The following TSHZ2 variants were observed in gnomAD, a reference collection of about 807,000 sequenced individuals.
TSHZ2 encodes teashirt homolog 2.
A neutral mutation model predicts 74.4 loss-of-function variants in TSHZ2; 21 were observed. The ratio of observed to expected loss-of-function variants is 0.28; its 90% CI spans 0.20 to 0.41. The LOEUF (loss-of-function observed/expected upper bound fraction) is 0.41. TSHZ2 is among the 10% of genes least tolerant of loss of function. The pLI is 1.00. For synonymous variants in TSHZ2, 540 were observed against 515.3 expected (o/e 1.05, Z -0.65); for missense variants, 1,244 against 1,293.5 (o/e 0.96, Z 0.59).
intron 1 of TSHZ2, among the ~76,000 whole-genome samples, chr20:53,140,857 G>A (rs6013640): frequency 0.019 from 2,938 of 152,260 alleles, 84 homozygotes; most frequent in African/African-American, 0.068. Context: ...CAGGGAAGGG[G>A]TGAGTTGAGG....
chr20:52,973,421 C>G, intron 1 of TSHZ2, 88 bp downstream of exon 1: 1 of 1,492,238 alleles, frequency 6.7e-7, no homozygotes, highest in African/African-American at 1.4e-5. Flanking sequence ...GGGGCACCAC[C>G]CACTTAAGCT....
intron 2 of TSHZ2, among the ~76,000 whole-genome samples, chr20:53,340,177 C>CTTTTTTCTT: frequency 1.1e-5 from 1 of 94,084 alleles, no homozygotes; most frequent in East Asian, 3.5e-4. Context: ...ACTTTTCTTT[C>CTTTTTTCTT]TTTTTTCTTT....
chr20:53,368,196 G>A (rs1168332467), intron 2 of TSHZ2, among the ~76,000 whole-genome samples: 1 of 151,532 alleles, frequency 6.6e-6, no homozygotes, highest in Non-Finnish European at 1.5e-5. Context: ...TTCTTTCAGG[G>A]GAAGTTCAGT....
At chr20:53,327,986 G>C (rs965727149) in intron 2 of TSHZ2, among the ~76,000 whole-genome samples, 2 of 152,228 alleles carry the variant, frequency 1.3e-5, no homozygotes, top group African/African-American at 4.8e-5. Flanking sequence ...GAATTTGGAA[G>C]CAAGTGGGAA....
Position 53,161,130 on chromosome 20 carries a change from C to CAA in TSHZ2, c.41-92347_41-92346dup, listed in dbSNP as rs368626161. On this transcript the variant is annotated intron_variant, in intron 1 of 2. Transcript: ENST00000371497. ...AGAAACCAACTCTGGTTATTTTCAG[C>CAA]AAAAAAAAAAAAAAAAAAAAAAATA... Among the ~76,000 whole-genome samples, 291 of 67,864 alleles carry CAA rather than the reference C, an allele frequency of 4.3e-3. 15 individuals carry two copies. The highest frequency in any genetic ancestry group is 0.01 in the South Asian group (14 of 1,374). The allele number at this position is 67,864 out of a possible 152,430, so 44.5% of individuals were successfully genotyped here. A position where few individuals can be genotyped will look rare whatever the true frequency, so the allele number is the denominator to read the frequency against.
At chr20:53,479,580 C>A (rs1184318217) in intron 2 of TSHZ2, among the ~76,000 whole-genome samples, 1 of 152,194 alleles carries the variant, frequency 6.6e-6, no homozygotes, top group African/African-American at 2.4e-5. Flanking sequence ...AATACAGGTT[C>A]TCTTTGTCAG....
At chr20:53,127,472 C>G (rs1381314031) in intron 1 of TSHZ2, among the ~76,000 whole-genome samples, 1 of 152,166 alleles carries the variant, frequency 6.6e-6, no homozygotes. Context: ...TTCGGAAGCC[C>G]AGGTGTGAGT....
At chr20:53,177,490 G>A (rs1568796537) in intron 1 of TSHZ2, among the ~76,000 whole-genome samples, 1 of 152,142 alleles carries the variant, frequency 6.6e-6, no homozygotes, top group Admixed American at 6.5e-5. Context: ...CATACGGCTG[G>A]TCCTCAAACC....
intron 2 of TSHZ2, among the ~76,000 whole-genome samples, chr20:53,382,715 A>T (rs1045271432): frequency 1.3e-5 from 2 of 152,226 alleles, no homozygotes; most frequent in Non-Finnish European, 2.9e-5. Flanking sequence ...GGAGACCAGG[A>T]TCATATAGTT....
Position 53,070,343 on chromosome 20 carries a change from C to A in TSHZ2, c.40+97010C>A, listed in dbSNP as rs753839786. On this transcript the variant is annotated intron_variant, in intron 1 of 2. Transcript: ENST00000371497. Reference sequence around the variant, plus strand: ...TGGAGAACAATTTTACACAGAGAAACCCTGTCTAATAGCCTATCTTAATTA... The same window carrying A: ...TGGAGAACAATTTTACACAGAGAAAACCTGTCTAATAGCCTATCTTAATTA... Among the ~76,000 whole-genome samples the A allele has an allele frequency of 6.3e-4, 96 of 152,218 alleles. No homozygotes were observed. The Middle Eastern group carries it at 0.02, about 32-fold the overall frequency.
intron 1 of TSHZ2, among the ~76,000 whole-genome samples, chr20:53,060,547 A>C (rs982697212): frequency 6.6e-6 from 1 of 152,226 alleles, no homozygotes; most frequent in African/African-American, 2.4e-5. Flanking sequence ...AGTTATGCTA[A>C]GTTAGATAGC....
At chr20:53,268,847 G>T (rs1406615209) in intron 2 of TSHZ2, among the ~76,000 whole-genome samples, 1 of 152,148 alleles carries the variant, frequency 6.6e-6, no homozygotes, top group Non-Finnish European at 1.5e-5. Context: ...GACTGTCAGA[G>T]GTCAGATCAG....
At chr20:52,974,535 C>T (rs1373254269) in intron 1 of TSHZ2, among the ~76,000 whole-genome samples, 1 of 152,134 alleles carries the variant, frequency 6.6e-6, no homozygotes, top group East Asian at 1.9e-4. Context: ...TGTCTTTACC[C>T]TCTTGATTTA....
intron 2 of TSHZ2, among the ~76,000 whole-genome samples, chr20:53,459,167 T>C (rs1442241864): frequency 2.6e-5 from 4 of 152,218 alleles, no homozygotes; most frequent in Admixed American, 2.6e-4. Context: ...TGTTAAAGAC[T>C]CGCATTATTA....
chr20:53,193,818 T>C (rs958966274), intron 1 of TSHZ2, among the ~76,000 whole-genome samples: 1 of 151,202 alleles, frequency 6.6e-6, no homozygotes, highest in Non-Finnish European at 1.5e-5. Context: ...GAGTTGACAA[T>C]AAGAGGGAGG....
Position 53,266,588 on chromosome 20 carries a change from C to T in TSHZ2, c.*8+10017C>T, listed in dbSNP as rs917662477. ...AATAATTCTCATTGTCCCATCATTA[C>T]TACTAGTAAGAATAATATGGCTATA... On this transcript the variant is annotated intron_variant, in intron 2 of 2. Coordinates refer to ENST00000371497, the MANE Select transcript of TSHZ2 (RefSeq NM_173485.6). Among the ~76,000 whole-genome samples, 6 of 152,140 alleles carry T rather than the reference C, an allele frequency of 3.9e-5. No individual in the cohort carries two copies. In the South Asian group the frequency reaches 6.2e-4, roughly 16 times the overall value.
chr20:53,219,375 G>T (rs974936415), intron 1 of TSHZ2, among the ~76,000 whole-genome samples: 1 of 152,174 alleles, frequency 6.6e-6, no homozygotes, highest in Admixed American at 6.5e-5. Flanking sequence ...TTCTTCTGCA[G>T]TTATAAAAGA....
chr20:53,319,906 G>A (rs530569484), intron 2 of TSHZ2, among the ~76,000 whole-genome samples: 4 of 152,312 alleles, frequency 2.6e-5, no homozygotes, highest in South Asian at 2.1e-4. Flanking sequence ...TTACTCTACA[G>A]TGTGGCTAGA....
intron 2 of TSHZ2, among the ~76,000 whole-genome samples, chr20:53,348,741 ACTT>A (rs973885444): frequency 2.6e-5 from 4 of 152,292 alleles, no homozygotes; most frequent in East Asian, 1.9e-4. Flanking sequence ...GTCAAGCTCT[ACTT>A]CTTCTTCCCA....
Sources: allele counts gnomAD v4.1 joint callset (sites outside exome capture counted in the v4.1 genomes callset), GRCh38; gene constraint gnomAD v4.1.1; transcripts MANE v1.5; gene names NCBI Gene and HGNC (gene_info 2026-07-23, HGNC 2026-07-21).